Variants in RIC8A observed in about 807,000 individuals in gnomAD.
The protein encoded by RIC8A is chaperone Ric-8A.
RIC8A carries 37 observed loss-of-function variants against 48.4 expected under a neutral mutation model. The ratio of observed to expected loss-of-function variants is 0.77; its 90% CI spans 0.59 to 1.01. The LOEUF is 1.01. RIC8A is among the 50% of genes least tolerant of loss of function. RIC8A has a pLI of 0.00. For synonymous variants in RIC8A, 288 were observed against 283.4 expected (o/e 1.02, Z -0.16); for missense variants, 681 against 696.8 (o/e 0.98, Z 0.25).
At position 208,788 on chromosome 11, in the gene RIC8A, GGC is replaced by G; in HGVS notation, c.-65_-64del. ...GCTGGCGCGGGGCTTTCTGGGCCAG[GGC>G]GGGGCCGGCGAACTGCGGCCCGGAA... is the stretch of plus-strand genomic sequence containing the variant. On this transcript the variant is annotated 5_prime_UTR_variant, in exon 1 of 10. Coordinates refer to ENST00000526104, the MANE Select transcript of RIC8A (RefSeq NM_001286134.2). This position sits in a 1 kb window ranked among gnomAD's most constrained non-coding sequence, Gnocchi z 4.8. 1 of 1,385,354 alleles carries G rather than the reference GGC, an allele frequency of 7.2e-7. No individual in the cohort carries two copies. The allele number at this position is 1,385,354 out of a possible 1,614,324, so 85.8% of individuals were successfully genotyped here.
rs1226416704 is a variant in RIC8A, at chr11:211,300, T to C, written c.920T>C (p.Met307Thr). ...TCCACGGAGTTCATGGGAGTGAATA[T>C]GGATGTGATTCGTGCCCTCCTCATC... Reference protein sequence around the residue: ...GDSTEFMGVNMDVIRALLIFL... With the variant: ...GDSTEFMGVNTDVIRALLIFL... The change falls in exon 5 of 10, where the codon ATG becomes ACG. Residue 307 changes from methionine to threonine, a missense_variant. Transcript: ENST00000526104. This position sits in a 1 kb window ranked among gnomAD's most constrained non-coding sequence, Gnocchi z 4.0. 1.2e-6 allele frequency: 2 copies of C among 1,614,100 alleles called. No individual in the cohort carries two copies. Among genetic ancestry groups the C allele is most frequent in the African/African-American group, 1.3e-5 (1 of 75,026 alleles).
intron 7 of RIC8A, 21 bp from the exon 8 acceptor site, chr11:212,816 G>C: frequency 6.2e-7 from 1 of 1,609,070 alleles, no homozygotes; most frequent in Non-Finnish European, 8.5e-7. Flanking sequence ...CTTGCACACT[G>C]ACCTCTGCCT....
At chr11:212,785 GCCCAC>G in intron 7 of RIC8A, 26 bp downstream of exon 7, 1 of 1,612,812 alleles carries the variant, frequency 6.2e-7, no homozygotes. Context: ...CCAGGTCCCA[GCCCAC>G]CCCACCTCAG....
In RIC8A at chr11:211,564, G is replaced by A. The variant is rs1855358421; in HGVS notation, c.969+215G>A. 5 of 511,428 alleles carry A rather than the reference G, an allele frequency of 9.8e-6. No individual in the cohort carries two copies. The South Asian group carries it at 1.4e-4, about 15-fold the overall frequency. 31.7% of individuals were successfully genotyped at this position (511,428 alleles called of 1,614,324 possible). A position where few individuals can be genotyped will look rare whatever the true frequency, so the allele number is the denominator to read the frequency against. ...GCATGTGGACACCTTCCACACACTTGAAGGTTTCACTTCTTAAATCTTTGG... is the reference window on the plus strand; with the variant it reads ...GCATGTGGACACCTTCCACACACTTAAAGGTTTCACTTCTTAAATCTTTGG... On this transcript the variant is annotated intron_variant, in intron 5 of 9. Coordinates refer to ENST00000526104, the MANE Select transcript of RIC8A (RefSeq NM_001286134.2). This position sits in a 1 kb window ranked among gnomAD's most constrained non-coding sequence, Gnocchi z 4.0.
chr11:209,167 C>G, intron 1 of RIC8A, 104 bp from the exon 2 acceptor site: 1 of 1,387,906 alleles, frequency 7.2e-7, no homozygotes, highest in Non-Finnish European at 1.0e-6. Flanking sequence ...GCCATCCGTT[C>G]TGAGCAGTGG....
intron 8 of RIC8A, 30 bp downstream of exon 8, chr11:213,011 C>T: frequency 6.5e-7 from 1 of 1,527,826 alleles, no homozygotes; most frequent in Non-Finnish European, 8.8e-7. Context: ...CCTCGGGTCT[C>T]CACTCACAGC....
chr11:208,531 CA>C lies in RIC8A; in HGVS notation c.-323del. On this transcript the variant is annotated 5_prime_UTR_variant, in exon 1 of 10. Transcript: ENST00000526104. This position sits in a 1 kb window ranked among gnomAD's most constrained non-coding sequence, Gnocchi z 4.8. ...TCGAGGGGCGTCACTGTGTGTGTGG[CA>C]GGGCACGGTGGGGGCTGAGATCGTT... 3.6e-6 allele frequency: 1 copy of C among 278,468 alleles called. No individual in the cohort carries two copies. Among genetic ancestry groups the C allele is most frequent in the Non-Finnish European group, 6.6e-6 (1 of 150,784 alleles). 17.2% of individuals were successfully genotyped at this position (278,468 alleles called of 1,614,324 possible).
chr11:214,813 G>GT lies in RIC8A; in HGVS notation c.*464dup. 3.0e-6 allele frequency: 1 copy of GT among 334,738 alleles called. No individual in the cohort carries two copies. Among genetic ancestry groups the GT allele is most frequent in the East Asian group, 8.3e-5 (1 of 12,102 alleles). The allele number at this position is 334,738 out of a possible 1,614,324, so 20.7% of individuals were successfully genotyped here. A position where few individuals can be genotyped will look rare whatever the true frequency, so the allele number is the denominator to read the frequency against. On this transcript the variant is annotated 3_prime_UTR_variant, in exon 10 of 10. Coordinates refer to ENST00000526104, the MANE Select transcript of RIC8A (RefSeq NM_001286134.2). Reference sequence around the variant, plus strand: ...AAACCTGTCAGAACTTTCCATACGAGTATATCAGAACACACCCTTCCAAGG... The same window carrying GT: ...AAACCTGTCAGAACTTTCCATACGAGTTATATCAGAACACACCCTTCCAAGG...
Position 212,741 on chromosome 11 carries a change from G to A in RIC8A, c.1192G>A (p.Val398Ile), listed in dbSNP as rs748738674. The change falls in exon 7 of 10, where the codon GTC (valine) becomes ATC (isoleucine). Residue 398 changes from valine (V) to isoleucine (I), a missense_variant. By Grantham distance (29) the Val-to-Ile change is conservative. Coordinates refer to ENST00000526104, the MANE Select transcript of RIC8A (RefSeq NM_001286134.2). ...GAGGGTGGCTGCCGAGTTCTTGTTT[G>A]TCCTGTGCTCTGAGAGTGGTGAGTT... The part of the protein sequence containing the change: ...VKRVAAEFLF[V>I]LCSESVPRFI... 8.7e-6 allele frequency: 14 copies of A among 1,613,964 alleles called. No homozygotes were observed. The South Asian group carries it at 8.8e-5, about 10-fold the overall frequency.
Position 209,449 on chromosome 11 carries a change from C to A in RIC8A, c.175C>A (p.Pro59Thr). Residue 59 changes from proline (P) to threonine (T), a missense_variant, in exon 3 of 10, where the codon CCA (proline) becomes ACA (threonine). Transcript: ENST00000526104. ...LLVSVLEQGL[P>T]PSHRVIWLQS... ...GGTCTCCGTCCTGGAACAGGGCTTG[C>A]CACCCTCCCACCGTGTCATCTGGCT... The A allele has an allele frequency of 1.2e-6, 2 of 1,603,272 alleles. No individual in the cohort carries two copies. The highest frequency in any genetic ancestry group is 1.1e-5 in the South Asian group (1 of 90,692).
Position 211,097 on chromosome 11 carries a change from C to A in RIC8A, c.819-102C>A. ...TCCCTAGCGCTGCCCCTTTGGGACT[C>A]AGATGCCAGCTCATGTAATGTGTGG... On this transcript the variant is annotated intron_variant, in intron 4 of 9. Transcript: ENST00000526104. The surrounding 1 kb of genome is among the most constrained non-coding windows in gnomAD (Gnocchi z 4.0). The A allele has an allele frequency of 7.5e-7, 1 of 1,327,350 alleles. No individual in the cohort carries two copies. The highest frequency in any genetic ancestry group is 1.4e-5 in the South Asian group (1 of 71,314). 82.2% of individuals were successfully genotyped at this position (1,327,350 alleles called of 1,614,324 possible).
chr11:212,308 G>A (rs1590076583), intron 5 of RIC8A, 108 bp from the exon 6 acceptor site: 1 of 1,116,040 alleles, frequency 9.0e-7, no homozygotes, highest in Non-Finnish European at 1.3e-6. Flanking sequence ...CTGCCGCCAG[G>A]ACCAGCTGTT....
At position 213,315 on chromosome 11, in the gene RIC8A, G is replaced by C; in HGVS notation, c.1372G>C (p.Gly458Arg). 1.2e-6 allele frequency: 2 copies of C among 1,613,936 alleles called. No individual in the cohort carries two copies. The highest frequency in any genetic ancestry group is 1.1e-5 in the South Asian group (1 of 91,026). ...EAKASINPVTGRVEEKPPNPM... is the reference protein window; with the variant it reads ...EAKASINPVTRRVEEKPPNPM... Reference sequence around the variant, plus strand: ...GGGAAACAGCATAAACCCTGTGACCGGGAGGGTGGAGGAGAAGCCGCCTAA... The same window carrying C: ...GGGAAACAGCATAAACCCTGTGACCCGGAGGGTGGAGGAGAAGCCGCCTAA... The change falls in exon 9 of 10, where the codon GGG (glycine) becomes CGG (arginine). Residue 458 changes from glycine (G) to arginine (R), a missense_variant. Coordinates refer to ENST00000526104, the MANE Select transcript of RIC8A (RefSeq NM_001286134.2).
rs755722147 is a variant in RIC8A at position 212,710 on chromosome 11, T to C, written c.1161T>C (p.Asp387=). 5.0e-6 allele frequency: 8 copies of C among 1,614,042 alleles called. No individual in the cohort carries two copies. The South Asian group carries it at 8.8e-5, about 18-fold the overall frequency. Residue 387 remains aspartate, a synonymous_variant, in exon 7 of 10, where the codon GAT becomes GAC. Coordinates refer to ENST00000526104, the MANE Select transcript of RIC8A (RefSeq NM_001286134.2). Reference sequence around the variant, plus strand: ...GCCTCATGACACACCTGGACACAGATGTGAAGAGGGTGGCTGCCGAGTTCT... The same window carrying C: ...GCCTCATGACACACCTGGACACAGACGTGAAGAGGGTGGCTGCCGAGTTCT... The part of the protein sequence containing the change: ...LVRLMTHLDT[D]VKRVAAEFLF...
intron 8 of RIC8A, 65 bp downstream of exon 8, chr11:213,046 A>ATGGG: frequency 6.7e-7 from 1 of 1,491,958 alleles, no homozygotes; most frequent in Non-Finnish European, 9.0e-7. Flanking sequence ...TTCCACACCC[A>ATGGG]TGTGGACCCC....
intron 5 of RIC8A, 85 bp from the exon 6 acceptor site, chr11:212,330 TG>T: frequency 7.6e-7 from 1 of 1,309,482 alleles, no homozygotes; most frequent in Non-Finnish European, 1.1e-6. Flanking sequence ...TGTATGTTGG[TG>T]GGAAGGGGTG....
chr11:212,644 A>G lies in RIC8A; in HGVS notation c.1095A>G (p.Thr365=). 6.2e-7 allele frequency: 1 copy of G among 1,614,080 alleles called. No individual in the cohort carries two copies. The highest frequency in any genetic ancestry group is 8.5e-7 in the Non-Finnish European group (1 of 1,180,010). ...TGCCCCCTCTGCGGGATGTGAGGAC[A>G]CGGCCTGAGGTTGGGGAGATGCTGC... The part of the protein sequence containing the change: ...QVLPPLRDVR[T]RPEVGEMLRN... Residue 365 remains threonine, a synonymous_variant, in exon 7 of 10, where the codon ACA becomes ACG. Transcript: ENST00000526104.
In RIC8A at chr11:208,881, C is replaced by G; in HGVS notation, c.27C>G (p.Ala9=). 4 of 1,608,576 alleles carry G rather than the reference C, an allele frequency of 2.5e-6. No homozygotes were observed. Among genetic ancestry groups the G allele is most frequent in the East Asian group, 2.2e-5 (1 of 44,630 alleles). MEPRAVAE[A]VETGEEDVIM... is the part of the protein sequence containing the mutation. ...TGGAGCCCCGGGCGGTTGCAGAAGC[C>G]GTGGAGACGGGTGAGGAGGATGTGA... The change falls in exon 1 of 10, where the codon GCC becomes GCG. Residue 9 remains alanine, a synonymous_variant. Coordinates refer to ENST00000526104, the MANE Select transcript of RIC8A (RefSeq NM_001286134.2). The surrounding 1 kb of genome is among the most constrained non-coding windows in gnomAD (Gnocchi z 4.8).
rs747874903 is a variant in RIC8A, at chr11:214,264, C to T, written c.1510C>T (p.Arg504Trp). Reference sequence around the variant, plus strand: ...CATCCAGCCAATGGGGATGAGTCCCCGGGGTCATCTTACGTCCCTGCAGGA... The same window carrying T: ...CATCCAGCCAATGGGGATGAGTCCCTGGGGTCATCTTACGTCCCTGCAGGA... ...RVIQPMGMSP[R>W]GHLTSLQDAM... The change falls in exon 10 of 10, where the codon CGG becomes TGG. Residue 504 changes from arginine (R) to tryptophan (W), a missense_variant. By Grantham distance (101) the Arg-to-Trp change is moderately radical. Coordinates refer to ENST00000526104, the MANE Select transcript of RIC8A (RefSeq NM_001286134.2). The T allele has an allele frequency of 1.1e-5, 18 of 1,613,732 alleles. No homozygotes were observed. Among genetic ancestry groups the T allele is most frequent in the Non-Finnish European group, 1.4e-5 (17 of 1,179,910 alleles).
Sources: gnomAD v4.1 joint callset for allele counts on GRCh38, gnomAD v4.1.1 for gene constraint, Gnocchi (gnomAD v3.1) non-coding constraint, MANE v1.5 for transcripts, NCBI Gene and HGNC (gene_info 2026-07-23, HGNC 2026-07-21) for gene names.